CDYL: variants seen among roughly 807,000 people sequenced by gnomAD.
CDYL encodes the protein chromodomain Y like.
A neutral mutation model predicts 47.3 loss-of-function variants in CDYL; 8 were observed. The ratio of observed to expected loss-of-function variants is 0.17; its 90% confidence interval spans 0.10 to 0.31. The LOEUF (loss-of-function observed/expected upper bound fraction) is 0.31, where lower values mean the gene tolerates loss of function less well. Ranked by LOEUF, CDYL falls within the 10% of genes least tolerant of loss-of-function variation. The pLI, the probability that CDYL is intolerant of heterozygous loss-of-function variation, is 1.00. For missense variants in CDYL, 471 were observed against 701.4 expected (o/e 0.67, Z 3.71); for synonymous variants, 266 against 265.0 (o/e 1.00, Z -0.04).
At chr6:4,747,493 T>C (rs979239464) in intron 3 of CDYL, among the ~76,000 whole-genome samples, 2 of 152,176 alleles carry the variant, frequency 1.3e-5, no homozygotes, top group South Asian at 4.1e-4. Flanking sequence ...GTCCCACTCC[T>C]GCCACTAGAA....
intron 1 of CDYL, among the ~76,000 whole-genome samples, chr6:4,852,265 T>C (rs1200810352): frequency 6.6e-6 from 1 of 152,234 alleles, no homozygotes; most frequent in Non-Finnish European, 1.5e-5. Context: ...AAGGAAGAGC[T>C]GTCACCAACT....
At chr6:4,734,986 T>C in intron 3 of CDYL, 1 of 1,389,972 alleles carries the variant, frequency 7.2e-7, no homozygotes, top group South Asian at 1.5e-5. Context: ...AGCTGTGGAC[T>C]CCTTAGAATG....
At chr6:4,738,360 C>T (rs1292372420) in intron 3 of CDYL, among the ~76,000 whole-genome samples, 1 of 150,900 alleles carries the variant, frequency 6.6e-6, no homozygotes, top group Non-Finnish European at 1.5e-5. Flanking sequence ...GCGTGGGTGA[C>T]CAAGTGAGAC....
At chr6:4,831,191 C>G (rs1273853648) in intron 1 of CDYL, among the ~76,000 whole-genome samples, 1 of 152,116 alleles carries the variant, frequency 6.6e-6, no homozygotes, top group East Asian at 1.9e-4. Flanking sequence ...AGGTTTTCTT[C>G]TAGGGTTTTT....
chr6:4,895,357 ATG>A (rs780129881), intron 2 of CDYL, among the ~76,000 whole-genome samples: 1 of 115,434 alleles, frequency 8.7e-6, no homozygotes, highest in African/African-American at 4.0e-5. Context: ...GTATGTATAT[ATG>A]TGCATATATG....
At chr6:4,852,450 A>G (rs1264060220) in intron 1 of CDYL, among the ~76,000 whole-genome samples, 2 of 66,204 alleles carry the variant, frequency 3.0e-5, no homozygotes, top group South Asian at 4.5e-4. Context: ...CTTCCTTCCA[A>G]TCTTCCTTCC....
chr6:4,852,666 A>T (rs1055167854), intron 1 of CDYL, among the ~76,000 whole-genome samples: 4 of 150,592 alleles, frequency 2.7e-5, no homozygotes, highest in Non-Finnish European at 5.9e-5. Flanking sequence ...AAAATCATTG[A>T]TTATAAGCAA....
chr6:4,856,989 C>T (rs893322635), intron 1 of CDYL, among the ~76,000 whole-genome samples: 93 of 152,214 alleles, frequency 6.1e-4, no homozygotes, highest in African/African-American at 2.1e-3. Flanking sequence ...CTCAGCCAGC[C>T]GGGGGAAGTC....
chr6:4,827,601 T>C (rs1313521432), intron 1 of CDYL, among the ~76,000 whole-genome samples: 2 of 152,248 alleles, frequency 1.3e-5, no homozygotes, highest in Non-Finnish European at 2.9e-5. Context: ...AAAGTACATA[T>C]TTTATGCATT....
intron 2 of CDYL, among the ~76,000 whole-genome samples, chr6:4,914,261 T>G (rs1757425457): frequency 6.7e-6 from 1 of 148,732 alleles, no homozygotes; most frequent in Admixed American, 6.8e-5. Flanking sequence ...ATCAACAGGG[T>G]TTGCTGCCCT....
intron 2 of CDYL, among the ~76,000 whole-genome samples, chr6:4,934,026 G>T (rs1391580149): frequency 1.3e-5 from 2 of 152,222 alleles, no homozygotes; most frequent in East Asian, 3.8e-4. Context: ...ATGTAACAAT[G>T]TGTATATCTT....
At chr6:4,904,886 G>A (rs919058260) in intron 2 of CDYL, among the ~76,000 whole-genome samples, 11 of 151,046 alleles carry the variant, frequency 7.3e-5, no homozygotes, top group Admixed American at 4.0e-4. Flanking sequence ...TCCCCACCCC[G>A]ACCTCCAGCT....
chr6:4,757,369 G>A (rs1758091398), intron 3 of CDYL, among the ~76,000 whole-genome samples: 1 of 152,214 alleles, frequency 6.6e-6, no homozygotes, highest in Admixed American at 6.5e-5. Context: ...GTAGAGGACA[G>A]TAGCTGTGGT....
At chr6:4,920,351 C>G (rs996094049) in intron 2 of CDYL, among the ~76,000 whole-genome samples, 1 of 152,156 alleles carries the variant, frequency 6.6e-6, no homozygotes, top group Non-Finnish European at 1.5e-5. Flanking sequence ...AAAAAATGCT[C>G]TAGATTCCAT....
At chr6:4,924,662 A>T (rs1258107015) in intron 2 of CDYL, among the ~76,000 whole-genome samples, 1 of 152,230 alleles carries the variant, frequency 6.6e-6, no homozygotes, top group African/African-American at 2.4e-5. Flanking sequence ...GGCCAGGTCT[A>T]AAACATGGCT....
At chr6:4,802,365 C>T (rs1025165377) in intron 1 of CDYL, among the ~76,000 whole-genome samples, 5 of 151,974 alleles carry the variant, frequency 3.3e-5, no homozygotes, top group African/African-American at 1.2e-4. Context: ...TAGTGAGACC[C>T]CGTCTTTACT....
rs1308647695 is a variant in CDYL, at chr6:4,821,975, T to A, written c.24+45168T>A. ...TTCTTTAAGTAAATCAGCTTTTTAT[T>A]TATTTATTTTTTTGAGATAGGGTTT... On this transcript the variant is annotated intron_variant, in intron 1 of 6. Transcript: ENST00000397588. Among the ~76,000 whole-genome samples, 3 of 152,050 alleles carry A rather than the reference T, an allele frequency of 2.0e-5. No individual in the cohort carries two copies. The East Asian group carries it at 5.8e-4, about 29-fold the overall frequency.
rs1045074 is a variant in CDYL at position 4,954,476 on chromosome 6, A to G, written c.*420A>G. 0.56 allele frequency: 85,992 copies of G among 152,790 alleles called. 25,070 individuals are homozygous for G. The highest frequency in any genetic ancestry group is 0.87 in the East Asian group (4,516 of 5,188). 9.5% of individuals were successfully genotyped at this position (152,790 alleles called of 1,614,324 possible). ...TCTAGAACACAGAATCTAAAGGGGTATTAGCCAGCCTCGCCTCCCTGCCCC... is the reference window on the plus strand; with the variant it reads ...TCTAGAACACAGAATCTAAAGGGGTGTTAGCCAGCCTCGCCTCCCTGCCCC... On this transcript the variant is annotated 3_prime_UTR_variant, in exon 7 of 7. Coordinates refer to ENST00000397588, the MANE Select transcript of CDYL (RefSeq NM_004824.4).
At chr6:4,808,165 A>G (rs781191627) in intron 1 of CDYL, among the ~76,000 whole-genome samples, 4 of 152,168 alleles carry the variant, frequency 2.6e-5, no homozygotes, top group African/African-American at 4.8e-5. Context: ...GGCAAACGGC[A>G]TTTAGAAATG....
Sources: gnomAD v4.1 joint callset for allele counts (sites outside exome capture counted in the v4.1 genomes callset) on GRCh38, gnomAD v4.1.1 for gene constraint, MANE v1.5 for transcripts, NCBI Gene and HGNC (gene_info 2026-07-23, HGNC 2026-07-21) for gene names.